The following LSS variants were observed in gnomAD, a reference collection of about 807,000 sequenced individuals.
The protein encoded by LSS is 2,3-epoxysqualene-lanosterol cyclase.
In LSS, 90 loss-of-function variants were observed where a neutral mutation model predicts 110.3. The ratio of observed to expected loss-of-function variants is 0.82; its 90% CI spans 0.69 to 0.97. The LOEUF (loss-of-function observed/expected upper bound fraction) is 0.97. Ranked by LOEUF, LSS falls within the 50% of genes least tolerant of loss-of-function variation. The pLI, the probability that LSS is intolerant of heterozygous loss-of-function variation, is 0.00. For synonymous variants in LSS, 433 were observed against 400.0 expected (o/e 1.08, Z -0.98); for missense variants, 927 against 990.0 (o/e 0.94, Z 0.85).
intron 17 of LSS, among the ~76,000 whole-genome samples, chr21:46,202,388 C>T (rs536437564): frequency 2.2e-5 from 3 of 139,296 alleles, no homozygotes; most frequent in East Asian, 2.1e-4. Context: ...AGCGAGACTC[C>T]GTCTCAAAAA....
intron 5 of LSS, among the ~76,000 whole-genome samples, chr21:46,220,101 C>T (rs145325483): frequency 4.7e-4 from 72 of 152,324 alleles, no homozygotes; most frequent in African/African-American, 1.7e-3. Flanking sequence ...CATGCCAGAG[C>T]CACTTCAGCA....
At chr21:46,208,389 A>G in intron 13 of LSS, 88 bp from the exon 14 acceptor site, 1 of 1,164,166 alleles carries the variant, frequency 8.6e-7, no homozygotes, top group Non-Finnish European at 1.3e-6. Context: ...CAGACTGGGC[A>G]GGACTGGAGA....
chr21:46,195,902 C>T (rs1487923520), intron 18 of LSS, 146 bp from the exon 19 acceptor site: 2 of 692,964 alleles, frequency 2.9e-6, no homozygotes, highest in East Asian at 2.7e-5. Flanking sequence ...AAGACAGCAG[C>T]TCTGTCTGCT....
In LSS at chr21:46,209,652, C is replaced by T. The variant is rs373960028; in HGVS notation, c.1195-27G>A. ...TGGAAGAGACAGCAGGACAGAGAGG[C>T]TCAGCTGCCCTTGCACGGCCAGCAT... On this transcript the variant is annotated intron_variant, in intron 12 of 21. Transcript: ENST00000397728. The surrounding 1 kb of genome is among the most constrained non-coding windows in gnomAD (Gnocchi z 4.4). 6.3e-7 allele frequency: 1 copy of T among 1,595,892 alleles called. No individual in the cohort carries two copies. The highest frequency in any genetic ancestry group is 8.5e-7 in the Non-Finnish European group (1 of 1,169,796).
At position 46,211,010 on chromosome 21, in the gene LSS, G is replaced by A. The variant is rs1275107491; in HGVS notation, c.1138-266C>T. On this transcript the variant is annotated intron_variant, in intron 11 of 21. Transcript: ENST00000397728. ...ACCAGGCAGGACAGTGTCCCTCTGA[G>A]GACACTTCTAGGACTGGACGATCCC... is the stretch of plus-strand genomic sequence containing the variant. Among the ~76,000 whole-genome samples, 9 of 152,206 alleles carry A rather than the reference G, an allele frequency of 5.9e-5. No individual in the cohort carries two copies. The East Asian group carries it at 1.4e-3, about 23-fold the overall frequency.
chr21:46,213,664 C>T, intron 10 of LSS, 74 bp downstream of exon 10: 4 of 1,380,252 alleles, frequency 2.9e-6, no homozygotes, highest in Non-Finnish European at 4.1e-6. Context: ...TGGGGGCCCC[C>T]TCACTGGGAT....
chr21:46,215,895 G>A lies in LSS; in HGVS notation c.784-102C>T, dbSNP rs566188739. 16 of 739,300 alleles carry A rather than the reference G, an allele frequency of 2.2e-5. No homozygotes were observed. In the African/African-American group the frequency reaches 2.7e-4, roughly 12 times the overall value. The allele number at this position is 739,300 out of a possible 1,614,324, so 45.8% of individuals were successfully genotyped here. A position where few individuals can be genotyped will look rare whatever the true frequency, so the allele number is the denominator to read the frequency against. On this transcript the variant is annotated intron_variant, in intron 7 of 21. Transcript: ENST00000397728. The stretch of plus-strand genomic sequence containing the variant: ...CCACCATCCGCCCTCAGGGCCCTGG[G>A]CCAGTCCCTTCCTGGGTGGGGGTCC...
chr21:46,225,458 C>A, intron 3 of LSS: 1 of 449,658 alleles, frequency 2.2e-6, no homozygotes, highest in East Asian at 7.0e-5. Flanking sequence ...GGGAATCTCC[C>A]TTTCCCCGGG....
At chr21:46,222,123 C>T (rs573057021) in intron 4 of LSS, 148 bp from the exon 5 acceptor site, 3 of 788,464 alleles carry the variant, frequency 3.8e-6, no homozygotes, top group Non-Finnish European at 6.0e-6. Context: ...GACCCCTGAG[C>T]AGCCACTCTG....
intron 17 of LSS, among the ~76,000 whole-genome samples, chr21:46,199,341 A>C (rs2079949972): frequency 6.6e-6 from 1 of 152,250 alleles, no homozygotes; most frequent in Non-Finnish European, 1.5e-5. Context: ...ACCTCTTAGA[A>C]AGGCTAAAAC....
At chr21:46,214,863 C>G (rs546502431) in intron 9 of LSS, among the ~76,000 whole-genome samples, 1 of 152,234 alleles carries the variant, frequency 6.6e-6, no homozygotes, top group East Asian at 1.9e-4. Flanking sequence ...GAAAAAGCAC[C>G]CCTCCCAGCT....
In LSS at chr21:46,209,463, G is replaced by T; in HGVS notation, c.1266+91C>A. 8.6e-7 allele frequency: 1 copy of T among 1,168,740 alleles called. No individual in the cohort carries two copies. The highest frequency in any genetic ancestry group is 1.2e-6 in the Non-Finnish European group (1 of 820,728). The allele number at this position is 1,168,740 out of a possible 1,614,324, so 72.4% of individuals were successfully genotyped here. On this transcript the variant is annotated intron_variant, in intron 13 of 21. Coordinates refer to ENST00000397728, the MANE Select transcript of LSS (RefSeq NM_002340.6). This position sits in a 1 kb window ranked among gnomAD's most constrained non-coding sequence, Gnocchi z 4.4. ...AACACCAGTGCAGGAAATAGGGCAGGGTGGAGGTGAGGTGGGCACTTCTGC... is the reference window on the plus strand; with the variant it reads ...AACACCAGTGCAGGAAATAGGGCAGTGTGGAGGTGAGGTGGGCACTTCTGC...
chr21:46,227,820 C>T, intron 2 of LSS, 130 bp from the exon 3 acceptor site: 1 of 1,069,662 alleles, frequency 9.3e-7, no homozygotes, highest in Non-Finnish European at 1.3e-6. Flanking sequence ...CAGCTGTTTC[C>T]ATCAAAAGTC....
At chr21:46,213,899 T>C in intron 9 of LSS, 64 bp from the exon 10 acceptor site, 1 of 1,193,402 alleles carries the variant, frequency 8.4e-7, no homozygotes, top group East Asian at 2.5e-5. Flanking sequence ...AGGGACAAGG[T>C]CTCGTCCAGA....
At chr21:46,222,057 T>A in intron 4 of LSS, 82 bp from the exon 5 acceptor site, 1 of 1,522,096 alleles carries the variant, frequency 6.6e-7, no homozygotes, top group Non-Finnish European at 9.0e-7. Flanking sequence ...TGGAGTTTCC[T>A]CAGAAAACTA....
At chr21:46,215,561 C>A (rs1337332521) in intron 8 of LSS, 124 bp downstream of exon 8, 1 of 694,204 alleles carries the variant, frequency 1.4e-6, no homozygotes, top group African/African-American at 1.8e-5. Flanking sequence ...GAGATCCCGC[C>A]CCCTGGGGCC....
Position 46,222,625 on chromosome 21 carries a change from C to T in LSS, c.428+5G>A. The T allele has an allele frequency of 6.2e-7, 1 of 1,611,558 alleles. No homozygotes were observed. Among genetic ancestry groups the T allele is most frequent in the Non-Finnish European group, 8.5e-7 (1 of 1,178,766 alleles). On this transcript the variant is annotated splice_donor_5th_base_variant and intron_variant, in intron 4 of 21. Transcript: ENST00000397728. The stretch of plus-strand genomic sequence containing the variant: ...GTGCAGTGACACAGGGGCAGGCACA[C>T]TCACAGGCCCCAGCCACCGTCAGGG...
Position 46,188,783 on chromosome 21 carries a change from G to A in LSS, c.*2321C>T. On this transcript the variant is annotated 3_prime_UTR_variant, in exon 22 of 22. Transcript: ENST00000397728. The stretch of plus-strand genomic sequence containing the variant: ...GTCCTGCCTGTGTAATAACACCGAA[G>A]AGGGCAGGGAATCGCTGCGTCCTGT... 2.1e-6 allele frequency: 1 copy of A among 471,368 alleles called. No individual in the cohort carries two copies. The highest frequency in any genetic ancestry group is 4.4e-6 in the Non-Finnish European group (1 of 227,094). The allele number at this position is 471,368 out of a possible 1,614,324, so 29.2% of individuals were successfully genotyped here.
rs762305335 is a variant in LSS at position 46,208,203 on chromosome 21, C to CG, written c.1317+47dup. 2.6e-6 allele frequency: 4 copies of CG among 1,531,490 alleles called. No homozygotes were observed. In the South Asian group the frequency reaches 4.8e-5, roughly 18 times the overall value. The allele number at this position is 1,531,490 out of a possible 1,614,324, so 94.9% of individuals were successfully genotyped here. ...AGGGAAGGACCCACCCTGCTGAGGG[C>CG]GGCCTCCCCTGGGGGACGGGACAGG... On this transcript the variant is annotated intron_variant, in intron 14 of 21. Transcript: ENST00000397728.
Sources: gnomAD v4.1 joint callset for allele counts (sites outside exome capture counted in the v4.1 genomes callset) on GRCh38, gnomAD v4.1.1 for gene constraint, Gnocchi (gnomAD v3.1) non-coding constraint, MANE v1.5 for transcripts, NCBI Gene and HGNC (gene_info 2026-07-23, HGNC 2026-07-21) for gene names.